The following LONP2 variants were observed in gnomAD, a reference collection of about 807,000 sequenced individuals.
LONP2 encodes lon protease homolog 2, peroxisomal.
LONP2 carries 60 observed loss-of-function variants against 85.6 expected under a neutral mutation model. The ratio of observed to expected loss-of-function variants is 0.70; its 90% confidence interval spans 0.57 to 0.87. The LOEUF (loss-of-function observed/expected upper bound fraction) is 0.87, where lower values mean the gene tolerates loss of function less well. Ranked by LOEUF, LONP2 falls within the 40% of genes least tolerant of loss-of-function variation. The probability of loss-of-function intolerance (pLI) is 0.00; values close to 1 mark genes in which losing one functional copy is unlikely to be tolerated. For synonymous variants in LONP2, 395 were observed against 389.7 expected (o/e 1.01, Z -0.16); for missense variants, 860 against 1,063.5 (o/e 0.81, Z 2.66).
intron 6 of LONP2, among the ~76,000 whole-genome samples, chr16:48,264,444 G>A (rs183192285): frequency 9.2e-5 from 14 of 152,266 alleles, no homozygotes; most frequent in Admixed American, 6.5e-4. Flanking sequence ...GCTCTGTTCT[G>A]CCCGGCTCAC....
intron 1 of LONP2, 137 bp downstream of exon 1, chr16:48,244,758 A>G: frequency 1.9e-6 from 1 of 521,776 alleles, no homozygotes; most frequent in Non-Finnish European, 3.1e-6. Flanking sequence ...CTCTGGTGCT[A>G]TCACTTGCAA....
chr16:48,340,978 C>G (rs1023805744), intron 12 of LONP2, among the ~76,000 whole-genome samples: 1 of 151,734 alleles, frequency 6.6e-6, no homozygotes, highest in Admixed American at 6.6e-5. Flanking sequence ...TTAATTGGCT[C>G]ACGGTTCTGA....
In LONP2 at chr16:48,253,607, G is replaced by T. The variant is rs187140138; in HGVS notation, c.468+1242G>T. 2.6e-3 allele frequency among the ~76,000 whole-genome samples: 403 copies of T among 152,302 alleles called. 2 individuals carry two copies. The highest frequency in any genetic ancestry group is 4.7e-3 in the Non-Finnish European group (320 of 68,028). ...TGCTTAGGAATAAAGGAGATTGAGA[G>T]AAATAGAATTTCTTTTTCTTTTCAG... On this transcript the variant is annotated intron_variant, in intron 2 of 14. Coordinates refer to ENST00000285737, the MANE Select transcript of LONP2 (RefSeq NM_031490.5).
At chr16:48,309,268 A>T (rs1972979109) in intron 11 of LONP2, among the ~76,000 whole-genome samples, 1 of 152,216 alleles carries the variant, frequency 6.6e-6, no homozygotes, top group African/African-American at 2.4e-5. Context: ...TAGAACCGTC[A>T]TTTGATCCAG....
At chr16:48,273,941 A>G (rs944918773) in intron 7 of LONP2, among the ~76,000 whole-genome samples, 1 of 152,214 alleles carries the variant, frequency 6.6e-6, no homozygotes, top group Admixed American at 6.5e-5. Flanking sequence ...CCACATTGAT[A>G]CATTTTCATA....
Position 48,259,465 on chromosome 16 carries a change from A to G in LONP2, c.723+725A>G, listed in dbSNP as rs922080098. Among the ~76,000 whole-genome samples, 9 of 152,170 alleles carry G rather than the reference A, an allele frequency of 5.9e-5. No individual in the cohort carries two copies. In the East Asian group the frequency reaches 1.3e-3, roughly 23 times the overall value. On this transcript the variant is annotated intron_variant, in intron 4 of 14. Coordinates refer to ENST00000285737, the MANE Select transcript of LONP2 (RefSeq NM_031490.5). ...GATTTTACTATTTTTATGTCTGGAC[A>G]GAGTTTATATTAGGAAGATATATTT...
chr16:48,347,826 G>A (rs754775380), intron 13 of LONP2, 112 bp downstream of exon 13: 6 of 1,008,540 alleles, frequency 5.9e-6, no homozygotes, highest in East Asian at 5.2e-5. Flanking sequence ...AGTACACACC[G>A]TTTTGAACCC....
intron 7 of LONP2, among the ~76,000 whole-genome samples, chr16:48,273,283 G>T (rs746686097): frequency 1.6e-4 from 24 of 152,120 alleles, no homozygotes; most frequent in Non-Finnish European, 2.9e-4. Context: ...AAGTACCTGC[G>T]TATGAGAAGA....
At chr16:48,298,486 T>C (rs1440451282) in intron 9 of LONP2, among the ~76,000 whole-genome samples, 1 of 151,996 alleles carries the variant, frequency 6.6e-6, no homozygotes, top group Non-Finnish European at 1.5e-5. Context: ...CATATATATA[T>C]ATACCATCAT....
intron 2 of LONP2, among the ~76,000 whole-genome samples, chr16:48,256,355 G>T (rs1189686700): frequency 6.6e-6 from 1 of 152,116 alleles, no homozygotes; most frequent in African/African-American, 2.4e-5. Context: ...AAATAATCAT[G>T]GCACAGGTTT....
chr16:48,303,190 G>T lies in LONP2; in HGVS notation c.1680G>T (p.Gly560=). 6.2e-7 allele frequency: 1 copy of T among 1,614,090 alleles called. No homozygotes were observed. Among genetic ancestry groups the T allele is most frequent in the Middle Eastern group, 1.6e-4 (1 of 6,062 alleles). Residue 560 remains glycine, a synonymous_variant, in exon 11 of 15, where the codon GGG becomes GGT. Coordinates refer to ENST00000285737, the MANE Select transcript of LONP2 (RefSeq NM_031490.5). ...ATGACAGGTATACCAGAGAGGCAGG[G>T]GTTCGTTCTCTGGATAGAAAACTTG... ...DIITRYTREA[G]VRSLDRKLGA... is the part of the protein sequence containing the mutation.
intron 8 of LONP2, among the ~76,000 whole-genome samples, chr16:48,278,386 T>C (rs1172338896): frequency 6.6e-6 from 1 of 152,176 alleles, no homozygotes; most frequent in Non-Finnish European, 1.5e-5. Flanking sequence ...TCCTGTCTCC[T>C]GTATTCCATT....
intron 1 of LONP2, among the ~76,000 whole-genome samples, chr16:48,250,250 A>G (rs1246525550): frequency 6.6e-6 from 1 of 151,762 alleles, no homozygotes; most frequent in South Asian, 2.1e-4. Context: ...TGGGAGGCCA[A>G]GGTGGGCGAA....
rs757548438 is a variant in LONP2, at chr16:48,334,288, C to T, written c.1868C>T (p.Pro623Leu). 1 of 1,614,004 alleles carries T rather than the reference C, an allele frequency of 6.2e-7. No individual in the cohort carries two copies. The highest frequency in any genetic ancestry group is 1.3e-5 in the African/African-American group (1 of 74,900). Residue 623 changes from proline (P) to leucine (L), a missense_variant, in exon 12 of 15, where the codon CCT becomes CTT. Transcript: ENST00000285737. ...GACACTACTGACTTGGCTCTACCAC[C>T]TGAAATGCCGATTTTGATTGATTTC... ...ISDTTDLALP[P>L]EMPILIDFHA...
intron 2 of LONP2, 89 bp from the exon 3 acceptor site, chr16:48,256,521 C>A: frequency 7.2e-7 from 1 of 1,393,820 alleles, no homozygotes; most frequent in Admixed American, 1.9e-5. Context: ...GACTGAGGCC[C>A]AAACATTAAA....
At chr16:48,316,214 C>G (rs1208272739) in intron 11 of LONP2, among the ~76,000 whole-genome samples, 1 of 151,608 alleles carries the variant, frequency 6.6e-6, no homozygotes, top group African/African-American at 2.4e-5. Flanking sequence ...ACCGTGTTGG[C>G]CAGGCTGGTC....
At chr16:48,309,340 C>T (rs1972980570) in intron 11 of LONP2, among the ~76,000 whole-genome samples, 1 of 152,156 alleles carries the variant, frequency 6.6e-6, no homozygotes, top group African/African-American at 2.4e-5. Context: ...AAGATACCTG[C>T]ACACATATGT....
chr16:48,345,058 TAAAAATAC>T (rs1448716450), intron 12 of LONP2: 1 of 151,662 alleles, frequency 6.6e-6, no homozygotes, highest in Non-Finnish European at 1.5e-5. Flanking sequence ...CCGTCTCTAT[TAAAAATAC>T]AAAAATTAGC....
At position 48,277,496 on chromosome 16, in the gene LONP2, T is replaced by TA; in HGVS notation, c.1383+17_1383+18insA. On this transcript the variant is annotated intron_variant, in intron 8 of 14. Transcript: ENST00000285737. ...CTGCTTGAGGTAAGATTTGGAAAATTCCCTGTCTGTCTTCATACTGGAAGA... is the reference window on the plus strand; with the variant it reads ...CTGCTTGAGGTAAGATTTGGAAAATTACCCTGTCTGTCTTCATACTGGAAGA... 17 of 1,611,018 alleles carry TA rather than the reference T, an allele frequency of 1.1e-5. No individual in the cohort carries two copies. The highest frequency in any genetic ancestry group is 1.4e-5 in the Non-Finnish European group (17 of 1,178,252).
Sources: gnomAD v4.1 joint callset for allele counts (sites outside exome capture counted in the v4.1 genomes callset) on GRCh38, gnomAD v4.1.1 for gene constraint, MANE v1.5 for transcripts, NCBI Gene and HGNC (gene_info 2026-07-23, HGNC 2026-07-21) for gene names.